The following MCC variants were observed in gnomAD, a reference collection of about 807,000 sequenced individuals.
The protein encoded by MCC is colorectal mutant cancer protein.
MCC carries 90 observed loss-of-function variants against 116.2 expected under a neutral mutation model. The observed-to-expected ratio is 0.77, with a 90% CI of 0.65 to 0.92. MCC has a LOEUF of 0.92. Among genes scored for constraint, MCC ranks in the 40% least tolerant of loss-of-function variants. MCC has a pLI of 0.00. For synonymous variants in MCC, 578 were observed against 510.5 expected, an observed-to-expected ratio of 1.13 and a Z score of -1.78; for missense variants, 1,516 against 1,312.2, an observed-to-expected ratio of 1.16 and a Z score of -2.40.
intron 3 of MCC, among the ~76,000 whole-genome samples, chr5:113,225,819 T>A (rs652794): frequency 0.17 from 25,871 of 152,200 alleles, 2,823 homozygotes; most frequent in South Asian, 0.25. Context: ...ATGTCTTGAC[T>A]TTAGCGATGA....
At chr5:113,349,500 C>T (rs1027171620) in intron 2 of MCC, among the ~76,000 whole-genome samples, 7 of 152,006 alleles carry the variant, frequency 4.6e-5, no homozygotes, top group Non-Finnish European at 1.0e-4. Flanking sequence ...AATATCCCTT[C>T]ATGATAAAAA....
rs548667859 is a variant in MCC, at chr5:113,488,165, C to T, written c.170+80G>A. ...CTGAGCAACTTGCCGCAAGTTGGGG[C>T]GAGGGGGCAGAGCAGGGGTCAAGGG... On this transcript the variant is annotated intron_variant, in intron 1 of 18. Transcript: ENST00000408903. 1.7e-4 allele frequency: 235 copies of T among 1,354,562 alleles called. No homozygotes were observed. In the African/African-American group the frequency reaches 3.3e-3, roughly 19 times the overall value. 83.9% of individuals were successfully genotyped at this position (1,354,562 alleles called of 1,614,324 possible).
At chr5:113,149,012 C>T (rs956682711) in intron 4 of MCC, among the ~76,000 whole-genome samples, 6 of 152,152 alleles carry the variant, frequency 3.9e-5, no homozygotes, top group Non-Finnish European at 4.4e-5. Flanking sequence ...TAAAAGCTGT[C>T]TTTGTAGGCT....
intron 3 of MCC, among the ~76,000 whole-genome samples, chr5:113,157,142 G>T (rs13156236): frequency 2.0e-5 from 3 of 151,988 alleles, no homozygotes; most frequent in Non-Finnish European, 4.4e-5. Context: ...GTGTCACTGC[G>T]TATTTCTGGT....
In MCC at chr5:113,228,443, G is replaced by A. The variant is rs181346736; in HGVS notation, c.628-77021C>T. On this transcript the variant is annotated intron_variant, in intron 3 of 18. Coordinates refer to ENST00000408903, the MANE Select transcript of MCC (RefSeq NM_001085377.2). ...AGCTCCAAACGGCCTCAATGTTAAG[G>A]TGACATTTGAGTAGACCTATAGGAA... Among the ~76,000 whole-genome samples, 18 of 152,304 alleles carry A rather than the reference G, an allele frequency of 1.2e-4. No individual in the cohort carries two copies. In the East Asian group the frequency reaches 2.9e-3, roughly 24 times the overall value.
chr5:113,356,622 G>C (rs1768422190), intron 2 of MCC, among the ~76,000 whole-genome samples: 1 of 152,066 alleles, frequency 6.6e-6, no homozygotes, highest in Admixed American at 6.6e-5. Flanking sequence ...CATTTGCCCT[G>C]CTGGGTACTT....
intron 2 of MCC, among the ~76,000 whole-genome samples, chr5:113,362,938 A>C (rs904863550): frequency 2.0e-5 from 3 of 152,036 alleles, no homozygotes; most frequent in Non-Finnish European, 4.4e-5. Flanking sequence ...TATGTTAAAA[A>C]CTTCCTGACT....
chr5:113,226,167 C>T (rs1437693323), intron 3 of MCC, among the ~76,000 whole-genome samples: 2 of 152,172 alleles, frequency 1.3e-5, no homozygotes, highest in Non-Finnish European at 2.9e-5. Context: ...TGTCTCTAAA[C>T]AAACAAACAA....
At chr5:113,081,027 A>C (rs1357642543) in intron 11 of MCC, among the ~76,000 whole-genome samples, 1 of 152,168 alleles carries the variant, frequency 6.6e-6, no homozygotes, top group Non-Finnish European at 1.5e-5. Flanking sequence ...GCAGATGCTT[A>C]ACACAGATTT....
intron 3 of MCC, among the ~76,000 whole-genome samples, chr5:113,270,128 T>C (rs1192427903): frequency 6.6e-6 from 1 of 152,212 alleles, no homozygotes; most frequent in Non-Finnish European, 1.5e-5. Context: ...GATCTAGATC[T>C]AACTCTTTTA....
intron 2 of MCC, among the ~76,000 whole-genome samples, chr5:113,346,035 C>G (rs1483234064): frequency 6.6e-6 from 1 of 152,036 alleles, no homozygotes; most frequent in African/African-American, 2.4e-5. Flanking sequence ...AACAAAGAGT[C>G]TGAAATAATT....
chr5:113,349,418 C>T (rs1234280502), intron 2 of MCC, among the ~76,000 whole-genome samples: 1 of 151,998 alleles, frequency 6.6e-6, no homozygotes, highest in Non-Finnish European at 1.5e-5. Context: ...ATGTGATACT[C>T]ATATCAACTG....
intron 2 of MCC, 115 bp from the exon 3 acceptor site, chr5:113,340,845 C>T: frequency 1.3e-6 from 1 of 765,032 alleles, no homozygotes; most frequent in Non-Finnish European, 2.1e-6. Context: ...CATCTCAGAA[C>T]ACATGTGATG....
intron 8 of MCC, among the ~76,000 whole-genome samples, chr5:113,095,587 A>C (rs1003294897): frequency 6.6e-6 from 1 of 152,136 alleles, no homozygotes; most frequent in Non-Finnish European, 1.5e-5. Flanking sequence ...TGGTGTGATC[A>C]CAGCTCACTG....
At chr5:113,255,502 A>G (rs962153997) in intron 3 of MCC, among the ~76,000 whole-genome samples, 4 of 152,196 alleles carry the variant, frequency 2.6e-5, no homozygotes, top group Non-Finnish European at 5.9e-5. Flanking sequence ...ACATTCCTTA[A>G]CTGAAACAAG....
chr5:113,291,382 T>A (rs749669376), intron 3 of MCC, among the ~76,000 whole-genome samples: 1 of 152,210 alleles, frequency 6.6e-6, no homozygotes, highest in Non-Finnish European at 1.5e-5. Context: ...TTGATTAAAC[T>A]CACTCTCTAG....
At chr5:113,278,581 CA>C (rs1765917671) in intron 3 of MCC, among the ~76,000 whole-genome samples, 1 of 152,162 alleles carries the variant, frequency 6.6e-6, no homozygotes, top group Non-Finnish European at 1.5e-5. Flanking sequence ...AGGAGGTAGA[CA>C]AGCAAAGTTT....
intron 3 of MCC, among the ~76,000 whole-genome samples, chr5:113,268,053 T>C (rs1765481197): frequency 6.6e-6 from 1 of 152,210 alleles, no homozygotes; most frequent in African/African-American, 2.4e-5. Context: ...TAGCAAATTC[T>C]GTCACTATTG....
chr5:113,327,919 A>G (rs1216483456), intron 3 of MCC, among the ~76,000 whole-genome samples: 1 of 152,070 alleles, frequency 6.6e-6, no homozygotes, highest in Non-Finnish European at 1.5e-5. Context: ...ACCTAATAGT[A>G]TTATTCCTCA....
Sources: gnomAD v4.1 joint callset for allele counts (sites outside exome capture counted in the v4.1 genomes callset) on GRCh38, gnomAD v4.1.1 for gene constraint, MANE v1.5 for transcripts, NCBI Gene and HGNC (gene_info 2026-07-23, HGNC 2026-07-21) for gene names.